Variants in CBLN2 observed in about 807,000 individuals in gnomAD.
The protein encoded by CBLN2 is cerebellin-2.
In CBLN2, 7 loss-of-function variants were observed where a neutral mutation model predicts 15.0. The observed-to-expected ratio is 0.47, with a 90% CI of 0.27 to 0.88. The LOEUF (loss-of-function observed/expected upper bound fraction) is 0.88, where lower values mean the gene tolerates loss of function less well. Among genes scored for constraint, CBLN2 ranks in the 40% least tolerant of loss-of-function variants. CBLN2 has a pLI of 0.14. For synonymous variants in CBLN2, 149 were observed against 135.2 expected, an observed-to-expected ratio of 1.10 and a Z score of -0.71; for missense variants, 242 against 304.5, an observed-to-expected ratio of 0.79 and a Z score of 1.53.
At chr18:72,622,962 G>A (rs996261384) in intron 1 of CBLN2, among the ~76,000 whole-genome samples, 5 of 152,082 alleles carry the variant, frequency 3.3e-5, no homozygotes, top group African/African-American at 9.7e-5. Context: ...CCTGGGACTG[G>A]GTAATTTATA....
intron 1 of CBLN2, among the ~76,000 whole-genome samples, chr18:72,569,636 G>A (rs1221149378): frequency 6.6e-6 from 1 of 152,134 alleles, no homozygotes; most frequent in African/African-American, 2.4e-5. Context: ...AGAAGATGAA[G>A]GGGGATCAGG....
At chr18:72,616,229 G>C (rs888013625) in intron 1 of CBLN2, among the ~76,000 whole-genome samples, 1 of 152,146 alleles carries the variant, frequency 6.6e-6, no homozygotes, top group East Asian at 1.9e-4. Flanking sequence ...ACCTGCTTTA[G>C]TCTTCCTCCA....
chr18:72,582,980 T>C (rs1568123746), intron 1 of CBLN2, among the ~76,000 whole-genome samples: 1 of 152,206 alleles, frequency 6.6e-6, no homozygotes, highest in Non-Finnish European at 1.5e-5. Flanking sequence ...TCTTGCACCC[T>C]CTGCTGAGGT....
rs184244105 is a variant in CBLN2 at position 72,584,343 on chromosome 18, T to C, written c.16-45571A>G. Among the ~76,000 whole-genome samples, 41 of 152,032 alleles carry C rather than the reference T, an allele frequency of 2.7e-4. No individual in the cohort carries two copies. The East Asian group carries it at 6.8e-3, about 25-fold the overall frequency. ...TTTTTTTTCCCCTGAGACGAAGTCT[T>C]GCTCTGTCACCAGGCTGGAGTGCAG... is the stretch of plus-strand genomic sequence containing the variant. On this transcript the variant is annotated intron_variant, in intron 1 of 2. Transcript: ENST00000581073.
chr18:72,541,706 G>A, intron 3 of CBLN2, 98 bp downstream of exon 3: 1 of 902,928 alleles, frequency 1.1e-6, no homozygotes, highest in Non-Finnish European at 1.6e-6. Flanking sequence ...ACAGAGCCTG[G>A]GAACTCCACG....
chr18:72,638,474 G>A (rs942902219), exon 1 of CBLN2: 7 of 396,150 alleles, frequency 1.8e-5, no homozygotes, highest in African/African-American at 8.2e-5. Context: ...CCTCACTGAC[G>A]GACGCAAAGT....
At chr18:72,602,110 T>G (rs2069552343) in intron 1 of CBLN2, among the ~76,000 whole-genome samples, 1 of 152,186 alleles carries the variant, frequency 6.6e-6, no homozygotes, top group Non-Finnish European at 1.5e-5. Context: ...GCTCCATTGT[T>G]TGAAGCAGAA....
At chr18:72,580,428 G>T (rs564215834) in intron 1 of CBLN2, among the ~76,000 whole-genome samples, 1 of 152,184 alleles carries the variant, frequency 6.6e-6, no homozygotes, top group East Asian at 1.9e-4. Flanking sequence ...ACCCTCAGAG[G>T]TTTGTTTCTA....
intron 1 of CBLN2, among the ~76,000 whole-genome samples, chr18:72,601,664 A>C (rs574134731): frequency 6.6e-6 from 1 of 152,164 alleles, no homozygotes; most frequent in East Asian, 2.0e-4. Context: ...CCCAGGCCTA[A>C]CCCCTGACTG....
intron 1 of CBLN2, among the ~76,000 whole-genome samples, chr18:72,615,840 G>A (rs2069657891): frequency 6.6e-6 from 1 of 152,116 alleles, no homozygotes; most frequent in African/African-American, 2.4e-5. Context: ...CACTTTCAGG[G>A]ACTGAATATT....
At chr18:72,587,383 T>A (rs2069450865) in intron 1 of CBLN2, among the ~76,000 whole-genome samples, 3 of 152,102 alleles carry the variant, frequency 2.0e-5, no homozygotes, top group Admixed American at 6.5e-5. Flanking sequence ...ATAAAATAAA[T>A]TTTTTAAAAG....
intron 1 of CBLN2, among the ~76,000 whole-genome samples, chr18:72,636,497 A>C (rs2069813496): frequency 6.6e-6 from 1 of 152,174 alleles, no homozygotes; most frequent in Non-Finnish European, 1.5e-5. Context: ...TCTTTATCAA[A>C]TTTGGGTCAT....
intron 1 of CBLN2, among the ~76,000 whole-genome samples, chr18:72,598,475 A>T (rs1016034674): frequency 6.6e-6 from 1 of 152,168 alleles, no homozygotes; most frequent in East Asian, 1.9e-4. Context: ...CCTACAAAAG[A>T]GGCCTCTCCT....
chr18:72,622,578 G>A lies in CBLN2; in HGVS notation c.15+15747C>T, dbSNP rs183272614. Among the ~76,000 whole-genome samples the A allele has an allele frequency of 1.3e-3, 205 of 152,210 alleles. 1 individual carries two copies. Among genetic ancestry groups the A allele is most frequent in the African/African-American group, 4.8e-3 (199 of 41,554 alleles). On this transcript the variant is annotated intron_variant, in intron 1 of 2. Transcript: ENST00000581073. ...GTTGCCTTAGATTCCCAGGCTTCCC[G>A]AATATCTGATCTGAGATCCCTTATA...
intron 1 of CBLN2, among the ~76,000 whole-genome samples, chr18:72,584,086 G>A (rs770683278): frequency 2.2e-4 from 33 of 152,246 alleles, no homozygotes; most frequent in Admixed American, 1.3e-4. Flanking sequence ...CTGTTTGTGC[G>A]TTCAAAGCAC....
chr18:72,603,667 T>G (rs2069563824), intron 1 of CBLN2, among the ~76,000 whole-genome samples: 1 of 152,220 alleles, frequency 6.6e-6, no homozygotes, highest in Non-Finnish European at 1.5e-5. Flanking sequence ...GTCATCAGTC[T>G]GAGCACTTCA....
intron 1 of CBLN2, among the ~76,000 whole-genome samples, chr18:72,610,255 A>G (rs990160615): frequency 5.3e-5 from 8 of 151,900 alleles, no homozygotes; most frequent in Non-Finnish European, 4.4e-5. Flanking sequence ...TCCCTTCAAC[A>G]CCAAGCACAC....
intron 1 of CBLN2, among the ~76,000 whole-genome samples, chr18:72,592,926 T>C (rs1359917707): frequency 6.6e-6 from 1 of 152,090 alleles, no homozygotes; most frequent in Non-Finnish European, 1.5e-5. Context: ...GTAATGTAAT[T>C]TCTCCAGTTT....
chr18:72,567,905 T>A (rs73966258), intron 1 of CBLN2, among the ~76,000 whole-genome samples: 2,581 of 152,284 alleles, frequency 0.017, 70 homozygotes, highest in African/African-American at 0.059. Flanking sequence ...CAAGTTAAAA[T>A]CACACAAGAA....
Sources: allele counts gnomAD v4.1 joint callset (sites outside exome capture counted in the v4.1 genomes callset), GRCh38; gene constraint gnomAD v4.1.1; transcripts MANE v1.5; gene names NCBI Gene and HGNC (gene_info 2026-07-23, HGNC 2026-07-21).